RP1: variants seen among roughly 807,000 people sequenced by gnomAD.
RP1 encodes the protein RP1 axonemal microtubule associated.
Under a neutral mutation model 14.8 loss-of-function variants are expected in RP1, and 16 were observed. The observed-to-expected ratio is 1.08, with a 90% confidence interval of 0.73 to 1.65. The LOEUF (loss-of-function observed/expected upper bound fraction) is 1.65. RP1 is among the 40% of genes most tolerant of loss of function. The pLI, the probability that RP1 is intolerant of heterozygous loss-of-function variation, is 0.00. For missense variants in RP1, 2,631 were observed against 2,535.0 expected (o/e 1.04, Z -0.81); for synonymous variants, 876 against 883.6 (o/e 0.99, Z 0.15).
chr8:54,650,922 G>C (rs1031225849), intron 4 of RP1, among the ~76,000 whole-genome samples: 7 of 151,672 alleles, frequency 4.6e-5, no homozygotes, highest in Non-Finnish European at 8.8e-5. Flanking sequence ...CACGATAAGT[G>C]CCCTTTATCA....
rs757460317 is a variant in RP1 at position 54,609,665 on chromosome 8, C to T, written c.-12-11290C>T. 4.3e-4 allele frequency among the ~76,000 whole-genome samples: 65 copies of T among 152,252 alleles called. No individual in the cohort carries two copies. In the Middle Eastern group the frequency reaches 0.01, roughly 24 times the overall value. On this transcript the variant is annotated intron_variant, in intron 1 of 22. Transcript: ENST00000636932. The stretch of plus-strand genomic sequence containing the variant: ...TGTCTCATTAGATTAATAACACCTC[C>T]TCCCCCTCACTCACACCCTCAGTGG...
At chr8:54,614,708 A>G (rs928428544), upstream of RP1, among the ~76,000 whole-genome samples, 1 of 152,202 alleles carries the variant, frequency 6.6e-6, no homozygotes. Context: ...GCTGTCTTAT[A>G]TGTAAGAAAT....
At chr8:54,782,642 T>A (rs1196100523) in intron 23 of RP1, among the ~76,000 whole-genome samples, 1 of 152,170 alleles carries the variant, frequency 6.6e-6, no homozygotes, top group Non-Finnish European at 1.5e-5. Context: ...CAGGACTTTG[T>A]CCTTTGCTGT....
rs1554519459 is a variant in RP1, at chr8:54,625,437, C to T, written c.1555C>T (p.Gln519Ter). 1 of 1,613,662 alleles carries T rather than the reference C, an allele frequency of 6.2e-7. No individual in the cohort carries two copies. The highest frequency in any genetic ancestry group is 1.3e-5 in the African/African-American group (1 of 74,874). ...AGTATCTAACAAACCAGTACTTGTT[C>T]AGATCAATAACAATGATCAAATGGA... ...SSVSNKPVLV[Q>*]INNNDQMEES... is the part of the protein sequence containing the mutation. The change falls in exon 4 of 4, where the codon CAG becomes TAG. Residue 519 changes from glutamine to a stop codon, truncating the protein, a stop_gained. Coordinates refer to ENST00000220676, the MANE Select transcript of RP1 (RefSeq NM_006269.2). LOFTEE classifies it low-confidence loss of function (END_TRUNC).
At position 54,657,451 on chromosome 8, in the gene RP1, C is replaced by A. The variant is rs538839638; in HGVS notation, c.1171+1236C>A. On this transcript the variant is annotated intron_variant, in intron 6 of 22. Transcript: ENST00000636932. ...GACATGGCTTGGTATTCTAACCATA[C>A]CCTATCATATGTATCTATAAATTTG... Among the ~76,000 whole-genome samples, 62 of 152,276 alleles carry A rather than the reference C, an allele frequency of 4.1e-4. 1 individual carries two copies. In the South Asian group the frequency reaches 0.011, roughly 28 times the overall value.
intron 7 of RP1, among the ~76,000 whole-genome samples, chr8:54,671,308 G>A (rs7831784): frequency 0.3 from 45,475 of 151,872 alleles, 8,319 homozygotes; most frequent in Middle Eastern, 0.48. Flanking sequence ...GTCTACGTTG[G>A]ATTTCTTTTG....
chr8:54,806,996 G>A (rs1267181823), intron 24 of RP1, among the ~76,000 whole-genome samples: 2 of 152,160 alleles, frequency 1.3e-5, no homozygotes, highest in East Asian at 1.9e-4. Flanking sequence ...AAACAGGCAC[G>A]TTCTAGGTGA....
At chr8:54,843,465 A>G (rs1176705370) in intron 25 of RP1, among the ~76,000 whole-genome samples, 1 of 152,098 alleles carries the variant, frequency 6.6e-6, no homozygotes, top group Non-Finnish European at 1.5e-5. Context: ...GCCGCCGTAT[A>G]TGGTCTTGGA....
chr8:54,854,029 A>G (rs1812128669), intron 26 of RP1, among the ~76,000 whole-genome samples: 1 of 152,060 alleles, frequency 6.6e-6, no homozygotes, highest in African/African-American at 2.4e-5. Context: ...AGAAAATAAA[A>G]GAAAAAGAAA....
At chr8:54,564,797 T>C (rs1484647608) in intron 1 of RP1, among the ~76,000 whole-genome samples, 1 of 152,218 alleles carries the variant, frequency 6.6e-6, no homozygotes, top group Non-Finnish European at 1.5e-5. Flanking sequence ...TCCAGTCTCT[T>C]TGAGGATTGA....
At chr8:54,678,845 T>C (rs1352903705) in intron 9 of RP1, among the ~76,000 whole-genome samples, 1 of 152,172 alleles carries the variant, frequency 6.6e-6, no homozygotes, top group African/African-American at 2.4e-5. Flanking sequence ...CCCTTTGGAC[T>C]AGGTCCCAAA....
intron 8 of RP1, among the ~76,000 whole-genome samples, chr8:54,675,913 T>C (rs2129333948): frequency 6.6e-6 from 1 of 152,328 alleles, no homozygotes; most frequent in South Asian, 2.1e-4. Context: ...CTTACACTTC[T>C]GGAGGCTGAG....
At chr8:54,836,903 T>C (rs563493381) in intron 24 of RP1, among the ~76,000 whole-genome samples, 2 of 152,282 alleles carry the variant, frequency 1.3e-5, no homozygotes, top group South Asian at 2.1e-4. Flanking sequence ...AAAAGAAAAA[T>C]ATTGCTTATT....
intron 1 of RP1, among the ~76,000 whole-genome samples, chr8:54,597,052 C>T (rs548611195): frequency 6.6e-6 from 1 of 152,248 alleles, no homozygotes; most frequent in South Asian, 2.1e-4. Context: ...TTTCCCTGCT[C>T]AAAAACCTTC....
Position 54,602,678 on chromosome 8 carries a change from C to T in RP1, c.-12-18277C>T, listed in dbSNP as rs181123622. 1.1e-3 allele frequency among the ~76,000 whole-genome samples: 165 copies of T among 152,306 alleles called. 1 individual carries two copies. The East Asian group carries it at 0.029, about 27-fold the overall frequency. On this transcript the variant is annotated intron_variant, in intron 1 of 22. Transcript: ENST00000636932. The stretch of plus-strand genomic sequence containing the variant: ...ACAGTGTAAAAGTGTTCCTATTTCT[C>T]CACATCCTCTCCAGCACCTGTTGTT...
In RP1 at chr8:54,839,787, T is replaced by C. The variant is rs1458132988; in HGVS notation, c.3835+2118T>C. Among the ~76,000 whole-genome samples the C allele has an allele frequency of 5.9e-5, 9 of 152,290 alleles. No individual in the cohort carries two copies. In the East Asian group the frequency reaches 1.7e-3, roughly 29 times the overall value. On this transcript the variant is annotated intron_variant, in intron 25 of 28. Transcript: ENST00000637698. ...GTACGTGCCCCCAGATACTAGTTGATTAATTCAGACACAGCAAGAAAGATT... is the reference window on the plus strand; with the variant it reads ...GTACGTGCCCCCAGATACTAGTTGACTAATTCAGACACAGCAAGAAAGATT...
At chr8:54,783,600 A>G in exon 24 of RP1, 2 of 1,231,584 alleles carry the variant, frequency 1.6e-6, no homozygotes, top group Middle Eastern at 3.1e-4. Flanking sequence ...TGCCGGCACC[A>G]CGGCAACAGT....
At position 54,674,013 on chromosome 8, in the gene RP1, G is replaced by A. The variant is rs371539578; in HGVS notation, c.1402+85G>A. ...CTGTTCAAATCTAGAAAATACTGTG[G>A]AAAATTGGTAGAAAATGGATCTCTA... is the stretch of plus-strand genomic sequence containing the variant. On this transcript the variant is annotated intron_variant, in intron 8 of 22. Transcript: ENST00000636932. The A allele has an allele frequency of 4.7e-6, 5 of 1,072,538 alleles. No homozygotes were observed. The African/African-American group carries it at 8.0e-5, about 17-fold the overall frequency. 66.4% of individuals were successfully genotyped at this position (1,072,538 alleles called of 1,614,324 possible).
At chr8:54,803,073 A>G (rs898474832) in intron 24 of RP1, among the ~76,000 whole-genome samples, 5 of 151,958 alleles carry the variant, frequency 3.3e-5, no homozygotes, top group African/African-American at 1.2e-4. Flanking sequence ...AGCAACATTT[A>G]CCCTTTTTGT....
Sources: gnomAD v4.1 joint callset for allele counts (sites outside exome capture counted in the v4.1 genomes callset) on GRCh38, gnomAD v4.1.1 for gene constraint, MANE v1.5 for transcripts, NCBI Gene and HGNC (gene_info 2026-07-23, HGNC 2026-07-21) for gene names.